Variants in ARHGAP8 observed in about 807,000 individuals in gnomAD.
ARHGAP8 encodes the protein rho GTPase-activating protein 8.
A neutral mutation model predicts 46.1 loss-of-function variants in ARHGAP8; 62 were observed. That is an observed-to-expected ratio of 1.34 (90% confidence interval 1.10 to 1.66). The LOEUF (loss-of-function observed/expected upper bound fraction) is 1.66. Ranked by LOEUF, ARHGAP8 falls within the 40% of genes most tolerant of loss-of-function variation. The probability of loss-of-function intolerance (pLI) is 0.00; values close to 1 mark genes in which losing one functional copy is unlikely to be tolerated. For synonymous variants in ARHGAP8, 375 were observed against 243.1 expected (o/e 1.54, Z -5.05); for missense variants, 923 against 568.4 (o/e 1.62, Z -6.34).
At chr22:44,820,748 C>G (rs1262921765) in intron 5 of ARHGAP8, among the ~76,000 whole-genome samples, 1 of 152,190 alleles carries the variant, frequency 6.6e-6, no homozygotes, top group Non-Finnish European at 1.5e-5. Context: ...ACCTGGCAAT[C>G]CCCGCCCTCC....
At chr22:44,771,657 C>A (rs1018226472) in intron 1 of ARHGAP8, among the ~76,000 whole-genome samples, 3 of 151,872 alleles carry the variant, frequency 2.0e-5, no homozygotes, top group South Asian at 2.1e-4. Context: ...CGGGTTCAAG[C>A]GATTCTCCTG....
In ARHGAP8 at chr22:44,859,756, TG is replaced by T; in HGVS notation, c.905del (p.Gly302AlafsTer36). ...GTGTGGAGAGCAGCCTGCGTGTCAC[TG>T]GCTGCCGCCAGATCTTACGGAGCCT... ...TCVESSLRVT[G>X]CRQILRSLPE... is the part of the protein sequence containing the mutation. On this transcript the variant is annotated frameshift_variant, in exon 11 of 12. Coordinates refer to ENST00000356099, the MANE Select transcript of ARHGAP8 (RefSeq NM_181335.3). LOFTEE classifies it high-confidence loss of function. The T allele has an allele frequency of 6.2e-7, 1 of 1,613,978 alleles. No individual in the cohort carries two copies.
rs781696528 is a variant in ARHGAP8 at position 44,862,551 on chromosome 22, A to C, written c.1258A>C (p.Thr420Pro). 1 of 1,601,108 alleles carries C rather than the reference A, an allele frequency of 6.2e-7. No homozygotes were observed. The highest frequency in any genetic ancestry group is 1.7e-5 in the Admixed American group (1 of 59,490). The change falls in exon 12 of 12, where the codon ACC (threonine) becomes CCC (proline). Residue 420 changes from threonine to proline, a missense_variant. By Grantham distance (38) the Thr-to-Pro change is conservative. Transcript: ENST00000356099. ...ACAAGCCACGGGCCTCACCAAGCCT[A>C]CCCTACCTCCGAGTCCCCTGATGGC... The part of the protein sequence containing the change: ...RTQATGLTKP[T>P]LPPSPLMAAR...
intron 11 of ARHGAP8, among the ~76,000 whole-genome samples, chr22:44,860,775 C>T (rs550845432): frequency 3.8e-4 from 58 of 152,134 alleles, no homozygotes; most frequent in South Asian, 1.9e-3. Context: ...AGGTTCAACA[C>T]ATCCACGTGG....
At chr22:44,755,141 C>T (rs954075128) in intron 1 of ARHGAP8, among the ~76,000 whole-genome samples, 1 of 152,240 alleles carries the variant, frequency 6.6e-6, no homozygotes, top group African/African-American at 2.4e-5. Flanking sequence ...GCCCCGTTCA[C>T]AGATGAGGAA....
At chr22:44,828,121 C>T (rs1432198518) in intron 7 of ARHGAP8, among the ~76,000 whole-genome samples, 1 of 152,198 alleles carries the variant, frequency 6.6e-6, no homozygotes, top group Non-Finnish European at 1.5e-5. Flanking sequence ...GGCGCACACA[C>T]GAGGAGTTGT....
rs566628593 is a variant in ARHGAP8, at chr22:44,761,450, T to A, written c.-72+8823T>A. On this transcript the variant is annotated intron_variant, in intron 1 of 11. Coordinates refer to ENST00000356099, the MANE Select transcript of ARHGAP8 (RefSeq NM_181335.3). ...AAGAACTATTTACAGGCATTTACATTGTGTTAAGTGTTACAGGTAATCTAG... is the reference window on the plus strand; with the variant it reads ...AAGAACTATTTACAGGCATTTACATAGTGTTAAGTGTTACAGGTAATCTAG... 2.4e-4 allele frequency among the ~76,000 whole-genome samples: 36 copies of A among 152,376 alleles called. No individual in the cohort carries two copies. In the East Asian group the frequency reaches 3.3e-3, roughly 14 times the overall value.
intron 2 of ARHGAP8, among the ~76,000 whole-genome samples, chr22:44,792,694 C>G (rs1301263388): frequency 1.3e-5 from 2 of 152,184 alleles, no homozygotes; most frequent in African/African-American, 4.8e-5. Flanking sequence ...AGCCAGAAAC[C>G]AGACTCCTGT....
intron 1 of ARHGAP8, among the ~76,000 whole-genome samples, chr22:44,772,437 G>A (rs539276499): frequency 1.2e-4 from 17 of 145,612 alleles, no homozygotes; most frequent in East Asian, 1.0e-3. Context: ...TGATCCGCCC[G>A]CCTTGGCCTC....
At position 44,822,408 on chromosome 22, in the gene ARHGAP8, C is replaced by G; in HGVS notation, c.424C>G (p.Leu142Val). ...GAAGAAAGTCATCTATTTCAACTAC[C>G]TGAGTGAGCTCCACGAACACCTTAA... ...FGKKVIYFNY[L>V]SELHEHLKYD... Residue 142 changes from leucine (L) to valine (V), a missense_variant, in exon 6 of 12, where the codon CTG becomes GTG. By Grantham distance (32) the Leu-to-Val change is conservative. Transcript: ENST00000356099. 6.3e-7 allele frequency: 1 copy of G among 1,583,980 alleles called. No individual in the cohort carries two copies. The highest frequency in any genetic ancestry group is 1.2e-5 in the South Asian group (1 of 84,546).
intron 1 of ARHGAP8, among the ~76,000 whole-genome samples, chr22:44,755,059 T>C (rs1361945415): frequency 6.6e-6 from 1 of 152,198 alleles, no homozygotes; most frequent in Non-Finnish European, 1.5e-5. Flanking sequence ...GGTCACCAAA[T>C]GGCCATGAAA....
intron 2 of ARHGAP8, among the ~76,000 whole-genome samples, chr22:44,795,969 C>G (rs994156517): frequency 2.6e-5 from 4 of 152,200 alleles, no homozygotes; most frequent in Non-Finnish European, 4.4e-5. Context: ...ATCCCTACTC[C>G]TTTCCATGTC....
intron 10 of ARHGAP8, among the ~76,000 whole-genome samples, chr22:44,859,432 T>G (rs551424576): frequency 1.9e-4 from 29 of 152,330 alleles, no homozygotes; most frequent in African/African-American, 5.5e-4. Flanking sequence ...ATTGGAAGCC[T>G]CCTGAGGCTT....
rs549264163 is a variant in ARHGAP8 at position 44,771,555 on chromosome 22, A to T, written c.-71-14902A>T. Reference sequence around the variant, plus strand: ...AGCCACCCTGCCTGGCTTTTTTTTTATTTTTTATTTTTTTTTGAGACAAAG... The same window carrying T: ...AGCCACCCTGCCTGGCTTTTTTTTTTTTTTTTATTTTTTTTTGAGACAAAG... On this transcript the variant is annotated intron_variant, in intron 1 of 11. Transcript: ENST00000356099. 4.3e-4 allele frequency among the ~76,000 whole-genome samples: 56 copies of T among 128,908 alleles called. No individual in the cohort carries two copies. The East Asian group carries it at 0.011, about 25-fold the overall frequency. The allele number at this position is 128,908 out of a possible 152,430, so 84.6% of individuals were successfully genotyped here.
intron 1 of ARHGAP8, among the ~76,000 whole-genome samples, chr22:44,785,538 G>A (rs1374128035): frequency 2.6e-5 from 4 of 152,062 alleles, no homozygotes; most frequent in African/African-American, 9.7e-5. Flanking sequence ...GGCCCACCTT[G>A]ATCCAGTTGA....
intron 2 of ARHGAP8, among the ~76,000 whole-genome samples, chr22:44,798,137 C>T (rs935889983): frequency 6.6e-6 from 1 of 151,898 alleles, no homozygotes. Flanking sequence ...CCACCACACC[C>T]AGCTAATTTT....
intron 1 of ARHGAP8, among the ~76,000 whole-genome samples, chr22:44,780,796 A>G (rs534725339): frequency 8.5e-5 from 13 of 152,358 alleles, no homozygotes; most frequent in African/African-American, 2.9e-4. Flanking sequence ...GCAGATTTAA[A>G]TAAAGCCCTG....
At position 44,859,771 on chromosome 22, in the gene ARHGAP8, C is replaced by T. The variant is rs538813080; in HGVS notation, c.918C>T (p.Ile306=). The T allele has an allele frequency of 1.2e-6, 2 of 1,614,090 alleles. No individual in the cohort carries two copies. Among genetic ancestry groups the T allele is most frequent in the African/African-American group, 1.3e-5 (1 of 75,044 alleles). The change falls in exon 11 of 12, where the codon ATC becomes ATT. Residue 306 remains isoleucine (I), a synonymous_variant. Transcript: ENST00000356099. ...TGCGTGTCACTGGCTGCCGCCAGATCTTACGGAGCCTCCCAGAGCACAACT... is the reference window on the plus strand; with the variant it reads ...TGCGTGTCACTGGCTGCCGCCAGATTTTACGGAGCCTCCCAGAGCACAACT... ...SSLRVTGCRQ[I]LRSLPEHNYV...
At chr22:44,811,595 C>G (rs1221181492) in intron 4 of ARHGAP8, among the ~76,000 whole-genome samples, 2 of 152,170 alleles carry the variant, frequency 1.3e-5, no homozygotes, top group Non-Finnish European at 1.5e-5. Flanking sequence ...GTTAGCGTTA[C>G]AGATCTTGGC....
Sources: gnomAD v4.1 joint callset for allele counts (sites outside exome capture counted in the v4.1 genomes callset) on GRCh38, gnomAD v4.1.1 for gene constraint, MANE v1.5 for transcripts, NCBI Gene and HGNC (gene_info 2026-07-23, HGNC 2026-07-21) for gene names.